The following HACE1 variants were observed in gnomAD, a reference collection of about 807,000 sequenced individuals.
The protein encoded by HACE1 is HECT domain and ankyrin repeat containing E3 ubiquitin protein ligase 1, also known as E3 ubiquitin-protein ligase HACE1.
HACE1 carries 73 observed loss-of-function variants against 118.4 expected under a neutral mutation model. That is an observed-to-expected ratio of 0.62 (90% CI 0.51 to 0.75). The LOEUF is 0.75. Among genes scored for constraint, HACE1 ranks in the 30% least tolerant of loss-of-function variants. The pLI is 0.00. For missense variants in HACE1, 749 were observed against 1,102.2 expected (o/e 0.68, Z 4.54); for synonymous variants, 368 against 374.8 (o/e 0.98, Z 0.21).
At chr6:104,754,364 T>C (rs954135103) in intron 19 of HACE1, among the ~76,000 whole-genome samples, 2 of 152,102 alleles carry the variant, frequency 1.3e-5, no homozygotes, top group African/African-American at 2.4e-5. Flanking sequence ...CCCCAGATTA[T>C]CAGGACAGGC....
At chr6:104,845,257 A>G (rs79147057) in intron 4 of HACE1, among the ~76,000 whole-genome samples, 1,773 of 152,162 alleles carry the variant, frequency 0.012, 13 homozygotes, top group Non-Finnish European at 0.018. Context: ...CTCAGTAGTA[A>G]GCATAGCCAG....
intron 19 of HACE1, among the ~76,000 whole-genome samples, chr6:104,761,720 C>T (rs576051398): frequency 6.6e-6 from 1 of 152,258 alleles, no homozygotes; most frequent in East Asian, 1.9e-4. Context: ...AACTAAAGAG[C>T]TTCTGTACAG....
chr6:104,798,068 CGA>C (rs1491519296), intron 7 of HACE1, among the ~76,000 whole-genome samples: 2 of 76,116 alleles, frequency 2.6e-5, no homozygotes, highest in Non-Finnish European at 4.6e-5. Context: ...AACCCCGTCT[CGA>C]AAAAAAAAAA....
chr6:104,784,179 A>G lies in HACE1; in HGVS notation c.1479-6T>C. On this transcript the variant is annotated splice_polypyrimidine_tract_variant and splice_region_variant and intron_variant, in intron 13 of 23. Coordinates refer to ENST00000262903, the MANE Select transcript of HACE1 (RefSeq NM_020771.4). ...CAAATATAATTTTGGGATTTCTAAA[A>G]GAAAAATATTTTGTTTAAATGGACA... 6.6e-7 allele frequency: 1 copy of G among 1,503,978 alleles called. No individual in the cohort carries two copies. The highest frequency in any genetic ancestry group is 9.3e-7 in the Non-Finnish European group (1 of 1,079,620). 93.2% of individuals were successfully genotyped at this position (1,503,978 alleles called of 1,614,324 possible).
At chr6:104,784,835 T>C in intron 12 of HACE1, 150 bp downstream of exon 12, 1 of 642,206 alleles carries the variant, frequency 1.6e-6, no homozygotes, top group Non-Finnish European at 2.7e-6. Context: ...AAATATTCCC[T>C]ACTAGATCTA....
At chr6:104,781,807 A>C (rs1781773876) in intron 14 of HACE1, among the ~76,000 whole-genome samples, 2 of 151,980 alleles carry the variant, frequency 1.3e-5, no homozygotes, top group African/African-American at 4.8e-5. Context: ...CACACTTCTT[A>C]ATCACATCCA....
intron 22 of HACE1, chr6:104,731,359 T>C (rs934352903): frequency 6.6e-6 from 1 of 151,634 alleles, no homozygotes; most frequent in Non-Finnish European, 1.5e-5. Context: ...ATTTATAACA[T>C]AAAGCATAGT....
chr6:104,769,174 G>A (rs1365780370), intron 19 of HACE1, among the ~76,000 whole-genome samples: 1 of 152,026 alleles, frequency 6.6e-6, no homozygotes, highest in African/African-American at 2.4e-5. Flanking sequence ...AGCTAGGACT[G>A]TAGCCACACA....
At chr6:104,751,743 T>C (rs189431845) in intron 19 of HACE1, among the ~76,000 whole-genome samples, 108 of 152,232 alleles carry the variant, frequency 7.1e-4, no homozygotes, top group African/African-American at 2.3e-3. Context: ...ACATATAAAC[T>C]ATTAGGTTAT....
intron 7 of HACE1, among the ~76,000 whole-genome samples, chr6:104,806,336 T>C (rs1323179838): frequency 6.6e-6 from 1 of 152,030 alleles, no homozygotes; most frequent in East Asian, 1.9e-4. Flanking sequence ...GTGGTGCACA[T>C]CTATAGTCCC....
At chr6:104,742,655 G>A (rs536886144) in intron 22 of HACE1, among the ~76,000 whole-genome samples, 3 of 151,004 alleles carry the variant, frequency 2.0e-5, no homozygotes, top group Non-Finnish European at 4.4e-5. Context: ...TAAAAAGTCA[G>A]GAAACAACAG....
At chr6:104,734,806 G>A (rs1158037018) in intron 22 of HACE1, among the ~76,000 whole-genome samples, 1 of 152,128 alleles carries the variant, frequency 6.6e-6, no homozygotes, top group Non-Finnish European at 1.5e-5. Flanking sequence ...TACTCTATAG[G>A]AGCAGCCACC....
At chr6:104,753,043 A>G (rs898134527) in intron 19 of HACE1, among the ~76,000 whole-genome samples, 1 of 152,210 alleles carries the variant, frequency 6.6e-6, no homozygotes, top group African/African-American at 2.4e-5. Context: ...GGAAAAATCT[A>G]AGTCGAACTG....
At chr6:104,757,347 T>C (rs1185126969) in intron 19 of HACE1, among the ~76,000 whole-genome samples, 1 of 152,080 alleles carries the variant, frequency 6.6e-6, no homozygotes, top group African/African-American at 2.4e-5. Flanking sequence ...CAGAAGAAGG[T>C]ACAGGCAGCA....
chr6:104,755,880 C>T (rs1481379184), intron 19 of HACE1, among the ~76,000 whole-genome samples: 1 of 152,024 alleles, frequency 6.6e-6, no homozygotes, highest in Non-Finnish European at 1.5e-5. Context: ...ACTAGAGAGC[C>T]AAGAGCGAAC....
At chr6:104,821,170 A>G (rs752851571) in intron 6 of HACE1, among the ~76,000 whole-genome samples, 3 of 152,090 alleles carry the variant, frequency 2.0e-5, no homozygotes, top group Non-Finnish European at 4.4e-5. Context: ...GGAACAATAT[A>G]CACTGAGGCC....
At chr6:104,818,039 T>C (rs537805610) in intron 6 of HACE1, among the ~76,000 whole-genome samples, 2 of 152,204 alleles carry the variant, frequency 1.3e-5, no homozygotes, top group Non-Finnish European at 2.9e-5. Flanking sequence ...AGCATTCTTA[T>C]CAGAAGATTT....
intron 19 of HACE1, among the ~76,000 whole-genome samples, chr6:104,761,823 A>C (rs1258768021): frequency 2.0e-5 from 3 of 151,800 alleles, no homozygotes; most frequent in Non-Finnish European, 4.4e-5. Context: ...AATATCCAGA[A>C]TCTACAAAGA....
At chr6:104,853,198 A>G (rs1218289207) in intron 1 of HACE1, among the ~76,000 whole-genome samples, 1 of 152,192 alleles carries the variant, frequency 6.6e-6, no homozygotes, top group Non-Finnish European at 1.5e-5. Flanking sequence ...CCACCATGGG[A>G]TGACTCTTAC....
Sources: gnomAD v4.1 joint callset for allele counts (sites outside exome capture counted in the v4.1 genomes callset) on GRCh38, gnomAD v4.1.1 for gene constraint, MANE v1.5 for transcripts, NCBI Gene and HGNC (gene_info 2026-07-23, HGNC 2026-07-21) for gene names.